IKZF3: variants seen among roughly 807,000 people sequenced by gnomAD.
IKZF3 encodes IKAROS family zinc finger 3, also known as zinc finger protein Aiolos.
Under a neutral mutation model 49.0 loss-of-function variants are expected in IKZF3, and 10 were observed. The observed-to-expected ratio is 0.20, with a 90% CI of 0.13 to 0.35. The LOEUF is 0.35. IKZF3 is among the 10% of genes least tolerant of loss of function. The pLI is 1.00. For synonymous variants in IKZF3, 209 were observed against 228.2 expected (o/e 0.92, Z 0.76); for missense variants, 498 against 664.8 (o/e 0.75, Z 2.76).
chr17:39,768,840 A>G (rs892085469), intron 7 of IKZF3, among the ~76,000 whole-genome samples: 3 of 152,190 alleles, frequency 2.0e-5, no homozygotes, highest in Non-Finnish European at 2.9e-5. Flanking sequence ...CACTTTCCAC[A>G]AGTAGAAGGT....
chr17:39,851,000 C>T lies in IKZF3; in HGVS notation c.7+13120G>A, dbSNP rs2062856025. On this transcript the variant is annotated intron_variant, in intron 1 of 7. Coordinates refer to ENST00000346872, the MANE Select transcript of IKZF3 (RefSeq NM_012481.5). ...ATATTATATATGTGTATATTATATA[C>T]ATGTATATATTATATACACGTATGT... 2.9e-5 allele frequency among the ~76,000 whole-genome samples: 4 copies of T among 139,666 alleles called. No homozygotes were observed. In the South Asian group the frequency reaches 8.8e-4, roughly 31 times the overall value. 91.6% of individuals were successfully genotyped at this position (139,666 alleles called of 152,430 possible). A position where few individuals can be genotyped will look rare whatever the true frequency, so the allele number is the denominator to read the frequency against.
chr17:39,829,636 A>G (rs1412501309), intron 2 of IKZF3, 148 bp from the exon 3 acceptor site: 1 of 594,276 alleles, frequency 1.7e-6, no homozygotes, highest in East Asian at 2.9e-5. Context: ...AAAGGGATGT[A>G]TACATGAAAA....
At position 39,839,967 on chromosome 17, in the gene IKZF3, T is replaced by A. The variant is rs138757553; in HGVS notation, c.8-7816A>T. ...TGAGCCACAATGCCTGACCAGACTTTTTACTTTTTAAACCTTGCAACTAAC... is the reference window on the plus strand; with the variant it reads ...TGAGCCACAATGCCTGACCAGACTTATTACTTTTTAAACCTTGCAACTAAC... On this transcript the variant is annotated intron_variant, in intron 1 of 7. Transcript: ENST00000346872. Among the ~76,000 whole-genome samples the A allele has an allele frequency of 3.0e-3, 454 of 152,132 alleles. 18 individuals carry two copies. The East Asian group carries it at 0.076, about 26-fold the overall frequency.
intron 3 of IKZF3, among the ~76,000 whole-genome samples, chr17:39,802,672 G>C (rs1351762262): frequency 6.6e-6 from 1 of 150,558 alleles, no homozygotes; most frequent in East Asian, 1.9e-4. Context: ...GAATACCTGG[G>C]AATAGCTGGG....
intron 1 of IKZF3, among the ~76,000 whole-genome samples, chr17:39,840,236 A>G (rs192801337): frequency 6.6e-6 from 1 of 152,178 alleles, no homozygotes; most frequent in Non-Finnish European, 1.5e-5. Context: ...TTTATATCCA[A>G]AAAAGCCCTC....
At chr17:39,817,005 T>C (rs2144155961) in intron 3 of IKZF3, among the ~76,000 whole-genome samples, 1 of 152,350 alleles carries the variant, frequency 6.6e-6, no homozygotes. Flanking sequence ...TGAGCCACCA[T>C]GCCTGGCCAA....
intron 7 of IKZF3, among the ~76,000 whole-genome samples, chr17:39,772,078 G>A (rs2060458571): frequency 6.6e-6 from 1 of 152,104 alleles, no homozygotes; most frequent in Non-Finnish European, 1.5e-5. Context: ...CAGATGTGAG[G>A]GAGGCCATTC....
At chr17:39,850,525 A>G (rs923247612) in intron 1 of IKZF3, among the ~76,000 whole-genome samples, 3 of 125,024 alleles carry the variant, frequency 2.4e-5, no homozygotes, top group African/African-American at 9.0e-5. Context: ...CATATTATAC[A>G]TATTATACAT....
At chr17:39,810,102 A>G (rs1049202476) in intron 3 of IKZF3, among the ~76,000 whole-genome samples, 2 of 152,186 alleles carry the variant, frequency 1.3e-5, no homozygotes, top group African/African-American at 4.8e-5. Context: ...TGATTTCTCA[A>G]ACCCTGAGAT....
chr17:39,758,853 T>C lies in IKZF3; in HGVS notation c.*6937A>G, dbSNP rs959090124. On this transcript the variant is annotated 3_prime_UTR_variant, in exon 8 of 8. Transcript: ENST00000346872. ...TTGTAAAGGAATTGCTATTATGATC[T>C]AGTATGATCTTGGGATATTTTTCAT... 1.4e-5 allele frequency: 2 copies of C among 147,142 alleles called. No homozygotes were observed. The highest frequency in any genetic ancestry group is 6.9e-5 in the Admixed American group (1 of 14,424). 9.1% of individuals were successfully genotyped at this position (147,142 alleles called of 1,614,324 possible).
chr17:39,803,749 A>G (rs2061374007), intron 3 of IKZF3, among the ~76,000 whole-genome samples: 1 of 152,066 alleles, frequency 6.6e-6, no homozygotes, highest in Admixed American at 6.5e-5. Context: ...TGGACCTCAG[A>G]TGATCCGCCC....
At chr17:39,820,711 A>C (rs745744842) in intron 3 of IKZF3, among the ~76,000 whole-genome samples, 2 of 152,128 alleles carry the variant, frequency 1.3e-5, no homozygotes, top group Non-Finnish European at 1.5e-5. Flanking sequence ...AGCCCCTTTC[A>C]ATAGCACCTT....
chr17:39,821,250 A>AGAATT (rs1324527746), intron 3 of IKZF3, among the ~76,000 whole-genome samples: 35 of 152,252 alleles, frequency 2.3e-4, no homozygotes, highest in African/African-American at 7.9e-4. Flanking sequence ...AGTTAGTATC[A>AGAATT]GAATTGAATT....
chr17:39,798,188 G>A (rs1013343176), intron 3 of IKZF3, among the ~76,000 whole-genome samples: 1 of 152,110 alleles, frequency 6.6e-6, no homozygotes, highest in African/African-American at 2.4e-5. Flanking sequence ...CCCCCGCACT[G>A]TTCTCTTTGG....
intron 7 of IKZF3, among the ~76,000 whole-genome samples, chr17:39,767,536 C>T (rs921378191): frequency 6.6e-6 from 1 of 152,060 alleles, no homozygotes; most frequent in Non-Finnish European, 1.5e-5. Flanking sequence ...AGCTTGGATC[C>T]TGGAGGGATT....
intron 3 of IKZF3, among the ~76,000 whole-genome samples, chr17:39,821,278 A>G (rs987559291): frequency 1.3e-5 from 2 of 152,140 alleles, no homozygotes; most frequent in East Asian, 3.9e-4. Flanking sequence ...TGGACACCCA[A>G]CAACGGAATG....
At chr17:39,859,290 C>CTA (rs1451669062) in intron 1 of IKZF3, among the ~76,000 whole-genome samples, 1 of 151,116 alleles carries the variant, frequency 6.6e-6, no homozygotes, top group East Asian at 1.9e-4. Flanking sequence ...TTCAAACAAT[C>CTA]TATATATATT....
intron 3 of IKZF3, among the ~76,000 whole-genome samples, chr17:39,809,186 CA>C (rs779010337): frequency 6.6e-6 from 1 of 152,280 alleles, no homozygotes; most frequent in African/African-American, 2.4e-5. Flanking sequence ...GGTAAGGTCA[CA>C]AATTATTTTT....
At chr17:39,863,850 C>T (rs1291177744) in intron 1 of IKZF3, among the ~76,000 whole-genome samples, 1 of 152,146 alleles carries the variant, frequency 6.6e-6, no homozygotes, top group Non-Finnish European at 1.5e-5. Flanking sequence ...AAGTGCTCTT[C>T]CTCTGCAGAT....
Sources: allele counts gnomAD v4.1 joint callset (sites outside exome capture counted in the v4.1 genomes callset), GRCh38; gene constraint gnomAD v4.1.1; transcripts MANE v1.5; gene names NCBI Gene and HGNC (gene_info 2026-07-23, HGNC 2026-07-21).